The following CAMK1D variants were observed in gnomAD, a reference collection of about 807,000 sequenced individuals.
The protein encoded by CAMK1D is calcium/calmodulin-dependent protein kinase type 1D.
CAMK1D carries 9 observed loss-of-function variants against 47.7 expected under a neutral mutation model. The ratio of observed to expected loss-of-function variants is 0.19; its 90% CI spans 0.11 to 0.33. The LOEUF (loss-of-function observed/expected upper bound fraction) is 0.33, where lower values mean the gene tolerates loss of function less well. CAMK1D is among the 10% of genes least tolerant of loss of function. The pLI is 1.00. For missense variants in CAMK1D, 291 were observed against 488.7 expected (o/e 0.60, Z 3.81); for synonymous variants, 184 against 184.9 (o/e 0.99, Z 0.04).
chr10:12,659,690 G>C (rs1267693693), intron 2 of CAMK1D, among the ~76,000 whole-genome samples: 2 of 152,172 alleles, frequency 1.3e-5, no homozygotes, highest in Admixed American at 6.5e-5. Context: ...AGATAAACGG[G>C]AGGGTTTGCC....
chr10:12,730,713 G>A (rs76102954), intron 3 of CAMK1D, among the ~76,000 whole-genome samples: 14,270 of 152,102 alleles, frequency 0.094, 1,679 homozygotes, highest in African/African-American at 0.27. Flanking sequence ...AATCAATAGC[G>A]GTACCTTGGA....
chr10:12,827,576 C>A (rs1188624647), intron 10 of CAMK1D, among the ~76,000 whole-genome samples: 1 of 108,438 alleles, frequency 9.2e-6, no homozygotes, highest in Non-Finnish European at 1.9e-5. Context: ...CACTAACCTG[C>A]CCTGCCCTGC....
At chr10:12,797,036 A>T (rs938855085) in intron 6 of CAMK1D, among the ~76,000 whole-genome samples, 8 of 152,192 alleles carry the variant, frequency 5.3e-5, no homozygotes, top group African/African-American at 1.9e-4. Flanking sequence ...TGAAAAGCAG[A>T]AGTTTTCTTT....
chr10:12,761,147 A>G (rs1340775630), intron 4 of CAMK1D, 61 bp downstream of exon 4: 2 of 1,579,098 alleles, frequency 1.3e-6, no homozygotes, highest in African/African-American at 1.3e-5. Context: ...CACGCGACCA[A>G]GAGGGCTGAT....
chr10:12,596,142 G>A (rs1332101964), intron 2 of CAMK1D, among the ~76,000 whole-genome samples: 14 of 152,134 alleles, frequency 9.2e-5, no homozygotes, highest in Admixed American at 9.2e-4. Flanking sequence ...TGAGGAGAGT[G>A]TGGGCATTTG....
At chr10:12,751,722 A>T (rs754145410) in intron 3 of CAMK1D, among the ~76,000 whole-genome samples, 1 of 152,212 alleles carries the variant, frequency 6.6e-6, no homozygotes, top group Non-Finnish European at 1.5e-5. Context: ...GACCTAAGCG[A>T]TGAGTACGGG....
intron 3 of CAMK1D, among the ~76,000 whole-genome samples, chr10:12,668,443 T>A (rs888436100): frequency 2.0e-5 from 3 of 152,176 alleles, no homozygotes; most frequent in African/African-American, 4.8e-5. Context: ...TTAAAGCACC[T>A]CAAATGTGTC....
intron 3 of CAMK1D, among the ~76,000 whole-genome samples, chr10:12,745,251 C>T (rs1356429895): frequency 6.6e-6 from 1 of 152,086 alleles, no homozygotes; most frequent in Non-Finnish European, 1.5e-5. Flanking sequence ...AGGATGGTCT[C>T]GATTTCCTGA....
At chr10:12,789,595 A>G (rs182068996) in intron 5 of CAMK1D, among the ~76,000 whole-genome samples, 11 of 152,364 alleles carry the variant, frequency 7.2e-5, no homozygotes, top group African/African-American at 2.4e-4. Flanking sequence ...GGCAGACAAT[A>G]TAAATGAAGT....
chr10:12,800,488 CCACCCAGTGGTCGCTACATGTGGG>C (rs1402769845), intron 6 of CAMK1D, among the ~76,000 whole-genome samples: 1 of 152,214 alleles, frequency 6.6e-6, no homozygotes, highest in Non-Finnish European at 1.5e-5. Flanking sequence ...CAAACAGTGG[CCACCCAGTGGTCGCTACATGTGGG>C]CACACTCTGA....
At chr10:12,494,429 C>G (rs928451818) in intron 1 of CAMK1D, among the ~76,000 whole-genome samples, 1 of 152,150 alleles carries the variant, frequency 6.6e-6, no homozygotes, top group African/African-American at 2.4e-5. Flanking sequence ...TACACACACA[C>G]ACATATATAC....
intron 3 of CAMK1D, among the ~76,000 whole-genome samples, chr10:12,713,869 G>GTATA (rs1834022632): frequency 6.6e-6 from 1 of 152,250 alleles, no homozygotes; most frequent in Non-Finnish European, 1.5e-5. Context: ...ATAATAAAAT[G>GTATA]TATAATTATC....
At chr10:12,455,751 T>C (rs149973714) in intron 1 of CAMK1D, among the ~76,000 whole-genome samples, 1 of 152,342 alleles carries the variant, frequency 6.6e-6, no homozygotes, top group East Asian at 1.9e-4. Context: ...TATGAGTTAT[T>C]GATTAGGTTA....
Position 12,410,054 on chromosome 10 carries a change from A to C in CAMK1D, c.92+60144A>C, listed in dbSNP as rs80022038. Among the ~76,000 whole-genome samples, 941 of 152,340 alleles carry C rather than the reference A, an allele frequency of 6.2e-3. 6 individuals carry two copies. The highest frequency in any genetic ancestry group is 0.017 in the Middle Eastern group (5 of 294). On this transcript the variant is annotated intron_variant, in intron 1 of 10. Transcript: ENST00000619168. ...AGAACTTCATTCCTTTCTATGGTTG[A>C]ATAATATTCCATTGTATGGATATCA...
chr10:12,641,310 A>G (rs1032523015), intron 2 of CAMK1D, among the ~76,000 whole-genome samples: 5 of 152,186 alleles, frequency 3.3e-5, no homozygotes, highest in African/African-American at 1.2e-4. Flanking sequence ...TTTTTAAAAA[A>G]TTAGTGAATG....
At chr10:12,677,766 T>C (rs1052142923) in intron 3 of CAMK1D, among the ~76,000 whole-genome samples, 46 of 152,072 alleles carry the variant, frequency 3.0e-4, no homozygotes, top group African/African-American at 9.7e-4. Context: ...GAGAGCTCAG[T>C]CTGTGAGGGT....
Position 12,761,131 on chromosome 10 carries a change from G to A in CAMK1D, c.438+45G>A, listed in dbSNP as rs371721547. The A allele has an allele frequency of 8.5e-5, 135 of 1,596,748 alleles. 1 individual carries two copies. The highest frequency in any genetic ancestry group is 1.3e-4 in the African/African-American group (10 of 74,566). On this transcript the variant is annotated intron_variant, in intron 4 of 10. Transcript: ENST00000619168. The stretch of plus-strand genomic sequence containing the variant: ...GCATCCTGCAGCCACTCTGCAGCCC[G>A]CAATGCACGCGACCAAGAGGGCTGA...
intron 1 of CAMK1D, 89 bp from the exon 2 acceptor site, chr10:12,553,136 T>C (rs1836641954): frequency 6.3e-7 from 1 of 1,596,934 alleles, no homozygotes; most frequent in Non-Finnish European, 8.5e-7. Context: ...TCGTTATTGT[T>C]TACTCAAACT....
At chr10:12,710,306 A>G (rs1452470817) in intron 3 of CAMK1D, among the ~76,000 whole-genome samples, 1 of 152,198 alleles carries the variant, frequency 6.6e-6, no homozygotes, top group Admixed American at 6.5e-5. Context: ...GTAACACACT[A>G]CTGCCACCAG....
Sources: gnomAD v4.1 joint callset for allele counts (sites outside exome capture counted in the v4.1 genomes callset) on GRCh38, gnomAD v4.1.1 for gene constraint, MANE v1.5 for transcripts, NCBI Gene and HGNC (gene_info 2026-07-23, HGNC 2026-07-21) for gene names.